Variants in WDFY2 observed in about 807,000 individuals in gnomAD.
The protein encoded by WDFY2 is WD repeat and FYVE domain-containing protein 2.
Under a neutral mutation model 56.4 loss-of-function variants are expected in WDFY2, and 36 were observed. The ratio of observed to expected loss-of-function variants is 0.64; its 90% CI spans 0.49 to 0.84. The LOEUF (loss-of-function observed/expected upper bound fraction) is 0.84, where lower values mean the gene tolerates loss of function less well. Among genes scored for constraint, WDFY2 ranks in the 40% least tolerant of loss-of-function variants. WDFY2 has a pLI of 0.00. For synonymous variants in WDFY2, 176 were observed against 183.7 expected (o/e 0.96, Z 0.34); for missense variants, 444 against 512.2 (o/e 0.87, Z 1.29).
intron 2 of WDFY2, among the ~76,000 whole-genome samples, chr13:51,666,744 A>G (rs1955709810): frequency 6.6e-6 from 1 of 152,134 alleles, no homozygotes; most frequent in Non-Finnish European, 1.5e-5. Context: ...TCTCTTAGTC[A>G]TAACTTATTT....
chr13:51,730,110 A>G (rs1419532275), intron 6 of WDFY2, among the ~76,000 whole-genome samples: 2 of 152,080 alleles, frequency 1.3e-5, no homozygotes, highest in Non-Finnish European at 1.5e-5. Context: ...GGCTTATTTC[A>G]CTCAGCATAA....
chr13:51,662,779 C>T (rs1489081393), intron 2 of WDFY2, among the ~76,000 whole-genome samples: 2 of 152,116 alleles, frequency 1.3e-5, no homozygotes, highest in Admixed American at 1.3e-4. Context: ...AGAGGATTAC[C>T]ATCCATTTTC....
intron 1 of WDFY2, among the ~76,000 whole-genome samples, chr13:51,642,462 A>T (rs1003836825): frequency 6.6e-6 from 1 of 150,690 alleles, no homozygotes; most frequent in Admixed American, 6.6e-5. Context: ...TAATTTTATT[A>T]TTTTTTTTGT....
chr13:51,605,569 T>C (rs911341692), intron 1 of WDFY2, among the ~76,000 whole-genome samples: 2 of 152,164 alleles, frequency 1.3e-5, no homozygotes, highest in Non-Finnish European at 2.9e-5. Context: ...AAATATATAT[T>C]ATGAAAATAC....
chr13:51,670,374 C>T (rs765355480), intron 2 of WDFY2, among the ~76,000 whole-genome samples: 5 of 152,012 alleles, frequency 3.3e-5, no homozygotes, highest in African/African-American at 4.8e-5. Flanking sequence ...TCTTTTGAAT[C>T]GGCTCTCTGC....
rs997134547 is a variant in WDFY2, at chr13:51,756,685, T to C, written c.1064+223T>C. ...CTCAAAGAATTCATCTCTGTGTTCT[T>C]TCTAATTTCTAGGTTATGTGCCTTT... On this transcript the variant is annotated intron_variant, in intron 10 of 11. Transcript: ENST00000298125. 10 of 977,638 alleles carry C rather than the reference T, an allele frequency of 1.0e-5. No individual in the cohort carries two copies. In the African/African-American group the frequency reaches 1.8e-4, roughly 17 times the overall value. The allele number at this position is 977,638 out of a possible 1,614,324, so 60.6% of individuals were successfully genotyped here. A position where few individuals can be genotyped will look rare whatever the true frequency, so the allele number is the denominator to read the frequency against.
At chr13:51,703,339 G>C (rs1346622120) in intron 3 of WDFY2, among the ~76,000 whole-genome samples, 1 of 152,172 alleles carries the variant, frequency 6.6e-6, no homozygotes, top group Admixed American at 6.5e-5. Context: ...CCGGTATCAA[G>C]ATGCTGAACT....
At chr13:51,670,489 G>GCACACACACA (rs55984632) in intron 2 of WDFY2, among the ~76,000 whole-genome samples, 101 of 131,498 alleles carry the variant, frequency 7.7e-4, no homozygotes, top group Middle Eastern at 3.6e-3. Context: ...GTGCGCACAT[G>GCACACACACA]CACACACACA....
chr13:51,741,376 G>A (rs1028056609), intron 7 of WDFY2, among the ~76,000 whole-genome samples: 3 of 152,184 alleles, frequency 2.0e-5, no homozygotes, highest in Admixed American at 2.0e-4. Flanking sequence ...CCCCGGGGAG[G>A]GGTTGCTCTG....
intron 1 of WDFY2, among the ~76,000 whole-genome samples, chr13:51,634,504 G>A (rs945224501): frequency 3.3e-5 from 5 of 152,120 alleles, no homozygotes; most frequent in Non-Finnish European, 5.9e-5. Context: ...TATAATACTT[G>A]TTAGCACTAA....
chr13:51,710,911 C>T (rs975008560), intron 4 of WDFY2, among the ~76,000 whole-genome samples: 2 of 152,152 alleles, frequency 1.3e-5, no homozygotes, highest in Non-Finnish European at 2.9e-5. Context: ...CTACCAATGA[C>T]TTTCTTCACA....
At chr13:51,654,914 G>A (rs1955480702) in intron 1 of WDFY2, among the ~76,000 whole-genome samples, 1 of 152,142 alleles carries the variant, frequency 6.6e-6, no homozygotes. Flanking sequence ...AAGGAGGGTA[G>A]TAAATTTAGT....
chr13:51,751,881 A>AAT (rs1201198178), intron 8 of WDFY2, among the ~76,000 whole-genome samples: 1 of 152,202 alleles, frequency 6.6e-6, no homozygotes, highest in Non-Finnish European at 1.5e-5. Flanking sequence ...CCCAGATATC[A>AAT]ATATATCCTT....
intron 1 of WDFY2, chr13:51,589,382 C>G (rs1053358928): frequency 6.6e-6 from 1 of 151,862 alleles, no homozygotes; most frequent in African/African-American, 2.4e-5. Flanking sequence ...TTTCCTGACT[C>G]TAAATTACTA....
chr13:51,601,763 C>T (rs1439274376), intron 1 of WDFY2, among the ~76,000 whole-genome samples: 2 of 152,132 alleles, frequency 1.3e-5, no homozygotes, highest in Non-Finnish European at 2.9e-5. Context: ...TCATCGGACT[C>T]CACGCCCCTT....
In WDFY2 at chr13:51,614,164, C is replaced by T. The variant is rs532709828; in HGVS notation, c.137+29340C>T. On this transcript the variant is annotated intron_variant, in intron 1 of 11. Coordinates refer to ENST00000298125, the MANE Select transcript of WDFY2 (RefSeq NM_052950.4). ...TCGTGCCACTGCACCCCAGCCTGGGCGACAGTGCGAGACTCGGTCTCCAAA... is the reference window on the plus strand; with the variant it reads ...TCGTGCCACTGCACCCCAGCCTGGGTGACAGTGCGAGACTCGGTCTCCAAA... Among the ~76,000 whole-genome samples the T allele has an allele frequency of 3.4e-3, 432 of 125,540 alleles. 2 individuals carry two copies. Among genetic ancestry groups the T allele is most frequent in the African/African-American group, 0.013 (409 of 32,378 alleles). The allele number at this position is 125,540 out of a possible 152,430, so 82.4% of individuals were successfully genotyped here. A position where few individuals can be genotyped will look rare whatever the true frequency, so the allele number is the denominator to read the frequency against.
intron 4 of WDFY2, among the ~76,000 whole-genome samples, chr13:51,704,052 C>A (rs1176622235): frequency 6.6e-6 from 1 of 152,188 alleles, no homozygotes; most frequent in Non-Finnish European, 1.5e-5. Flanking sequence ...GTGGTTTTAT[C>A]ATGTCTTCAA....
At chr13:51,690,431 T>G (rs997926190) in intron 3 of WDFY2, among the ~76,000 whole-genome samples, 1 of 147,064 alleles carries the variant, frequency 6.8e-6, no homozygotes, top group Admixed American at 7.0e-5. Context: ...CACCTATGAG[T>G]GAGAATATGT....
At chr13:51,619,708 G>A (rs1009201158) in intron 1 of WDFY2, among the ~76,000 whole-genome samples, 12 of 152,196 alleles carry the variant, frequency 7.9e-5, no homozygotes, top group African/African-American at 2.4e-4. Context: ...CATGAATTGG[G>A]TAGTCCCCAG....
Sources: gnomAD v4.1 joint callset for allele counts (sites outside exome capture counted in the v4.1 genomes callset) on GRCh38, gnomAD v4.1.1 for gene constraint, MANE v1.5 for transcripts, NCBI Gene and HGNC (gene_info 2026-07-23, HGNC 2026-07-21) for gene names.